Variants in PGM5 observed in about 807,000 individuals in gnomAD.
PGM5 encodes the protein phosphoglucomutase-like protein 5.
PGM5 carries 23 observed loss-of-function variants against 59.2 expected under a neutral mutation model. That is an observed-to-expected ratio of 0.39 (90% CI 0.28 to 0.55). The LOEUF (loss-of-function observed/expected upper bound fraction) is 0.55. Among genes scored for constraint, PGM5 ranks in the 20% least tolerant of loss-of-function variants. The pLI is 0.66. For missense variants in PGM5, 574 were observed against 748.3 expected (o/e 0.77, Z 2.72); for synonymous variants, 214 against 286.0 (o/e 0.75, Z 2.54).
intron 6 of PGM5, among the ~76,000 whole-genome samples, chr9:68,422,886 T>C (rs1307597766): frequency 6.6e-6 from 1 of 152,060 alleles, no homozygotes; most frequent in Non-Finnish European, 1.5e-5. Flanking sequence ...TCCCACCCTT[T>C]CCCCCGTGTC....
intron 10 of PGM5, among the ~76,000 whole-genome samples, chr9:68,514,377 G>T (rs957771772): frequency 6.6e-6 from 1 of 152,128 alleles, no homozygotes; most frequent in African/African-American, 2.4e-5. Context: ...TGAGACGGGT[G>T]AATCACCTGA....
rs1834467752 is a variant in PGM5 at position 68,357,181 on chromosome 9, CCAG to C, written c.56_58del (p.Gln19del). On this transcript the variant is annotated inframe_deletion, in exon 1 of 11. Transcript: ENST00000396396. ...CAGTGCCCACCGCGCCCTACGAGGA[CCAG>C]CGGCCGGCCGGCGGCGGGGGTCTGC... The C allele has an allele frequency of 6.5e-7, 1 of 1,538,652 alleles. No individual in the cohort carries two copies. The highest frequency in any genetic ancestry group is 1.2e-5 in the South Asian group (1 of 83,860).
At chr9:68,488,734 T>C (rs1824338920) in intron 9 of PGM5, among the ~76,000 whole-genome samples, 1 of 152,168 alleles carries the variant, frequency 6.6e-6, no homozygotes. Flanking sequence ...TAGAAAGCAT[T>C]TTCATGAGGC....
intron 6 of PGM5, among the ~76,000 whole-genome samples, chr9:68,422,214 A>C (rs1443286484): frequency 1.3e-5 from 2 of 152,280 alleles, no homozygotes; most frequent in East Asian, 3.9e-4. Flanking sequence ...TAATTTATTG[A>C]CCTGAAAAAA....
chr9:68,462,627 C>A (rs898994101), intron 6 of PGM5, among the ~76,000 whole-genome samples: 5 of 152,094 alleles, frequency 3.3e-5, no homozygotes, highest in Non-Finnish European at 4.4e-5. Context: ...TCCCTTCAGA[C>A]CTGCCAACTT....
At chr9:68,476,660 G>A (rs1488307527) in intron 7 of PGM5, among the ~76,000 whole-genome samples, 1 of 152,196 alleles carries the variant, frequency 6.6e-6, no homozygotes, top group Non-Finnish European at 1.5e-5. Flanking sequence ...CAAACTCAAA[G>A]AACTATAAAG....
At chr9:68,440,911 T>C (rs1446499197) in intron 6 of PGM5, among the ~76,000 whole-genome samples, 6 of 151,984 alleles carry the variant, frequency 3.9e-5, no homozygotes, top group African/African-American at 1.4e-4. Flanking sequence ...TGATAAACCT[T>C]TAGCAAGACC....
intron 7 of PGM5, among the ~76,000 whole-genome samples, chr9:68,476,783 T>C (rs191895230): frequency 6.6e-6 from 1 of 152,324 alleles, no homozygotes; most frequent in East Asian, 1.9e-4. Context: ...TGGCTACAAA[T>C]GTTGAGGTGG....
Position 68,479,432 on chromosome 9 carries a change from C to G in PGM5, c.1174C>G (p.Arg392Gly), listed in dbSNP as rs781994762. The G allele has an allele frequency of 3.1e-6, 5 of 1,613,080 alleles. No homozygotes were observed. The South Asian group carries it at 4.4e-5, about 14-fold the overall frequency. ...TTCACCTTTAGGCTCTGACCACCTC[C>G]GAGAGAAGGATGGCCTGTGGGCTGT... The part of the protein sequence containing the change: ...ESFGTGSDHL[R>G]EKDGLWAVLV... The change falls in exon 8 of 11, where the codon CGA (arginine) becomes GGA (glycine). Residue 392 changes from arginine (R) to glycine (G), a missense_variant. Transcript: ENST00000396396.
chr9:68,411,486 G>GTATATATATATATA lies in PGM5; in HGVS notation c.1043+19014_1043+19015insATATATATATATAT, dbSNP rs1279685124. ...ATATATAATGTGTGTGTGTGTGTGT[G>GTATATATATATATA]TGTATATATATATATATGATTTTCC... On this transcript the variant is annotated intron_variant, in intron 6 of 10. Transcript: ENST00000396396. 1.7e-3 allele frequency among the ~76,000 whole-genome samples: 239 copies of GTATATATATATATA among 137,904 alleles called. 1 individual carries two copies. Among genetic ancestry groups the GTATATATATATATA allele is most frequent in the East Asian group, 6.1e-3 (26 of 4,234 alleles). 90.5% of individuals were successfully genotyped at this position (137,904 alleles called of 152,430 possible).
intron 6 of PGM5, among the ~76,000 whole-genome samples, chr9:68,425,108 G>A (rs928264457): frequency 4.6e-5 from 7 of 152,152 alleles, no homozygotes; most frequent in Admixed American, 4.6e-4. Context: ...GGGCTTTTCT[G>A]TATGCTCTTT....
At chr9:68,468,789 A>G (rs1823977117) in intron 7 of PGM5, among the ~76,000 whole-genome samples, 2 of 152,260 alleles carry the variant, frequency 1.3e-5, no homozygotes, top group South Asian at 4.1e-4. Flanking sequence ...TTATTTATTC[A>G]TTGAAGAAAC....
intron 6 of PGM5, among the ~76,000 whole-genome samples, chr9:68,417,127 G>A (rs536642478): frequency 5.3e-5 from 8 of 152,286 alleles, no homozygotes; most frequent in Middle Eastern, 3.4e-3. Context: ...TCTCTGAATC[G>A]GATACGGGCC....
intron 6 of PGM5, chr9:68,429,331 C>T (rs1554682882): frequency 6.6e-6 from 1 of 152,132 alleles, no homozygotes; most frequent in African/African-American, 2.4e-5. Context: ...TTTTTTTCTG[C>T]ATTGCTAGAG....
chr9:68,472,932 G>A (rs183840373), intron 7 of PGM5, among the ~76,000 whole-genome samples: 28 of 152,318 alleles, frequency 1.8e-4, no homozygotes, highest in African/African-American at 4.1e-4. Flanking sequence ...TGACTTACAT[G>A]CAGGAGAGCT....
At chr9:68,411,482 G>GTATATA (rs1363314665) in intron 6 of PGM5, among the ~76,000 whole-genome samples, 20 of 83,944 alleles carry the variant, frequency 2.4e-4, no homozygotes, top group Admixed American at 1.2e-3. Flanking sequence ...GTGTGTGTGT[G>GTATATA]TGTGTGTATA....
chr9:68,522,585 C>G (rs902302362), intron 10 of PGM5, among the ~76,000 whole-genome samples: 9 of 152,148 alleles, frequency 5.9e-5, no homozygotes, highest in Non-Finnish European at 1.3e-4. Context: ...AATACTGGAC[C>G]ATGATGGTAC....
rs1357114556 is a variant in PGM5, at chr9:68,356,684, C to T, written c.-444C>T. Among the ~76,000 whole-genome samples the T allele has an allele frequency of 6.6e-6, 1 of 152,258 alleles. No individual in the cohort carries two copies. Among genetic ancestry groups the T allele is most frequent in the Non-Finnish European group, 1.5e-5 (1 of 68,050 alleles). ...GGACTCTGCCCAAAGTCTCGCCGCCCGCCGGCTGTTTTCTGGCGGAGGGTG... is the reference window on the plus strand; with the variant it reads ...GGACTCTGCCCAAAGTCTCGCCGCCTGCCGGCTGTTTTCTGGCGGAGGGTG... On this transcript the variant is annotated 5_prime_UTR_variant, in exon 1 of 11. Coordinates refer to ENST00000396396, the MANE Select transcript of PGM5 (RefSeq NM_021965.4).
intron 9 of PGM5, among the ~76,000 whole-genome samples, chr9:68,496,347 G>A (rs1395986924): frequency 6.6e-6 from 1 of 152,200 alleles, no homozygotes; most frequent in Non-Finnish European, 1.5e-5. Context: ...ATAAAAGGGG[G>A]CCTCAGCAGA....
Sources: gnomAD v4.1 joint callset for allele counts (sites outside exome capture counted in the v4.1 genomes callset) on GRCh38, gnomAD v4.1.1 for gene constraint, MANE v1.5 for transcripts, NCBI Gene and HGNC (gene_info 2026-07-23, HGNC 2026-07-21) for gene names.